The following LMF1 variants were observed in gnomAD, a reference collection of about 807,000 sequenced individuals.
LMF1 encodes the protein lipase maturation factor 1.
A neutral mutation model predicts 60.6 loss-of-function variants in LMF1; 68 were observed. The ratio of observed to expected loss-of-function variants is 1.12; its 90% CI spans 0.92 to 1.37. The LOEUF is 1.37. LMF1 is among the 40% of genes most tolerant of loss of function. LMF1 has a pLI of 0.00. For synonymous variants in LMF1, 418 were observed against 324.7 expected, an observed-to-expected ratio of 1.29 and a Z score of -3.09; for missense variants, 948 against 767.2, an observed-to-expected ratio of 1.24 and a Z score of -2.78.
intron 4 of LMF1, among the ~76,000 whole-genome samples, chr16:907,923 G>T (rs1409887197): frequency 6.6e-6 from 1 of 152,252 alleles, no homozygotes; most frequent in Non-Finnish European, 1.5e-5. Context: ...CCCATGAGCA[G>T]ATGAGTCCCT....
At chr16:860,533 G>A (rs1360981626) in intron 10 of LMF1, among the ~76,000 whole-genome samples, 1 of 152,030 alleles carries the variant, frequency 6.6e-6, no homozygotes, top group Non-Finnish European at 1.5e-5. Context: ...TAGAGACGGG[G>A]TTTTGCCACG....
At chr16:895,333 G>A (rs1300705921) in intron 4 of LMF1, among the ~76,000 whole-genome samples, 1 of 152,224 alleles carries the variant, frequency 6.6e-6, no homozygotes, top group African/African-American at 2.4e-5. Flanking sequence ...ACGGGCTGTA[G>A]CCACGTCTGC....
At chr16:972,412 G>A (rs4984624), upstream of LMF1, among the ~76,000 whole-genome samples, 704 of 152,240 alleles carry the variant, frequency 4.6e-3, 31 homozygotes, top group Admixed American at 0.041. Flanking sequence ...AGGAGGCATC[G>A]GCCCTGGCTG....
chr16:881,023 C>T (rs1003024017), intron 5 of LMF1, among the ~76,000 whole-genome samples: 7 of 152,318 alleles, frequency 4.6e-5, no homozygotes, highest in South Asian at 4.1e-4. Flanking sequence ...GGGAGGGAGG[C>T]GGCCCCCAGA....
chr16:921,918 A>G (rs981750927), intron 3 of LMF1, among the ~76,000 whole-genome samples: 22 of 152,334 alleles, frequency 1.4e-4, no homozygotes, highest in Non-Finnish European at 2.1e-4. Flanking sequence ...AAAACAAAAC[A>G]TAAGTAAGAG....
intron 10 of LMF1, among the ~76,000 whole-genome samples, chr16:865,072 T>C (rs929196435): frequency 4.6e-5 from 7 of 152,262 alleles, no homozygotes; most frequent in African/African-American, 1.4e-4. Flanking sequence ...AATTCCATTT[T>C]GATTTGTCAA....
At chr16:939,324 C>T (rs2072032362) in intron 2 of LMF1, among the ~76,000 whole-genome samples, 2 of 152,216 alleles carry the variant, frequency 1.3e-5, no homozygotes, top group Admixed American at 1.3e-4. Flanking sequence ...CCTGACCCAG[C>T]AGCCCACCTC....
intron 1 of LMF1, among the ~76,000 whole-genome samples, chr16:957,700 C>T (rs549579875): frequency 1.3e-3 from 204 of 152,284 alleles, no homozygotes; most frequent in Middle Eastern, 3.4e-3. Flanking sequence ...CTAATCAAGA[C>T]CACATCAAGA....
chr16:963,470 C>T (rs539917756), intron 1 of LMF1, among the ~76,000 whole-genome samples: 8 of 152,064 alleles, frequency 5.3e-5, no homozygotes, highest in Middle Eastern at 6.8e-3. Flanking sequence ...CATGTGTGCA[C>T]GGGTGTATGC....
At chr16:876,225 G>A (rs537388962) in intron 6 of LMF1, among the ~76,000 whole-genome samples, 1 of 152,376 alleles carries the variant, frequency 6.6e-6, no homozygotes, top group East Asian at 1.9e-4. Flanking sequence ...AGGTGCAGGA[G>A]CCCACGCGCG....
chr16:978,819 G>T lies in LMF1; in HGVS notation c.-135+2326C>A, dbSNP rs117815602. Among the ~76,000 whole-genome samples, 372 of 152,184 alleles carry T rather than the reference G, an allele frequency of 2.4e-3. 12 individuals are homozygous for T. In the East Asian group the frequency reaches 0.06, roughly 25 times the overall value. ...ATGGGCCCATCAGGTGGACTCAGAG[G>T]TGGCTCTGATGGCTGCCCCTCCACT... On this transcript the variant is annotated intron_variant, in intron 1 of 6. Coordinates refer to the LMF1 transcript ENST00000570014.
chr16:854,821 C>T lies in LMF1; in HGVS notation c.1530-115G>A. ...ACAGGGTCCCCCACGGACAGAGGGGCTGCATGAGGAGCCCCCACCCTGAGC... is the reference window on the plus strand; with the variant it reads ...ACAGGGTCCCCCACGGACAGAGGGGTTGCATGAGGAGCCCCCACCCTGAGC... On this transcript the variant is annotated intron_variant, in intron 10 of 10. Transcript: ENST00000262301. 9 of 983,392 alleles carry T rather than the reference C, an allele frequency of 9.2e-6. No individual in the cohort carries two copies. The South Asian group carries it at 9.7e-5, about 11-fold the overall frequency. 60.9% of individuals were successfully genotyped at this position (983,392 alleles called of 1,614,324 possible).
chr16:944,317 G>C (rs571742521), intron 2 of LMF1, among the ~76,000 whole-genome samples: 2 of 152,272 alleles, frequency 1.3e-5, no homozygotes, highest in South Asian at 4.1e-4. Context: ...CACTCTCCAC[G>C]TTCACAGCTT....
At position 879,463 on chromosome 16, in the gene LMF1, G is replaced by C. The variant is rs1482571129; in HGVS notation, c.897+107C>G. The C allele has an allele frequency of 2.3e-6, 3 of 1,304,472 alleles. No homozygotes were observed. In the African/African-American group the frequency reaches 4.4e-5, roughly 19 times the overall value. 80.8% of individuals were successfully genotyped at this position (1,304,472 alleles called of 1,614,324 possible). A position where few individuals can be genotyped will look rare whatever the true frequency, so the allele number is the denominator to read the frequency against. Reference sequence around the variant, plus strand: ...GGAGGACAGGCTGTCCCCAAGAAAGGGGGCCTGTAATGCCCCAGGGTCCTC... The same window carrying C: ...GGAGGACAGGCTGTCCCCAAGAAAGCGGGCCTGTAATGCCCCAGGGTCCTC... On this transcript the variant is annotated intron_variant, in intron 6 of 10. Coordinates refer to ENST00000262301, the MANE Select transcript of LMF1 (RefSeq NM_022773.4).
rs180990534 is a variant in LMF1 at position 932,041 on chromosome 16, C to T, written c.514+2203G>A. Among the ~76,000 whole-genome samples, 845 of 152,356 alleles carry T rather than the reference C, an allele frequency of 5.5e-3. 8 individuals are homozygous for T. The highest frequency in any genetic ancestry group is 9.7e-3 in the Non-Finnish European group (657 of 68,028). On this transcript the variant is annotated intron_variant, in intron 3 of 10. Transcript: ENST00000262301. ...GGCCACACAGGCTCACGTCCCACCC[C>T]CCATGCAGACCCCGTTGCTTTTGCT... is the stretch of plus-strand genomic sequence containing the variant.
At chr16:937,004 G>C (rs1253013952) in intron 2 of LMF1, among the ~76,000 whole-genome samples, 1 of 152,142 alleles carries the variant, frequency 6.6e-6, no homozygotes, top group Non-Finnish European at 1.5e-5. Context: ...TATCAGAAGG[G>C]ACCAAGGCCT....
Position 962,669 on chromosome 16 carries a change from T to C in LMF1, c.194-8003A>G, listed in dbSNP as rs2072836297. ...ACGCCATGACAGGCCTGCTTGACAC[T>C]GTCAAGGTCGGAATCCTGCACAGGA... On this transcript the variant is annotated intron_variant, in intron 1 of 10. Transcript: ENST00000262301. The surrounding 1 kb of genome is among the most constrained non-coding windows in gnomAD (Gnocchi z 4.5). 6.6e-6 allele frequency among the ~76,000 whole-genome samples: 1 copy of C among 152,074 alleles called. No homozygotes were observed. The highest frequency in any genetic ancestry group is 1.5e-5 in the Non-Finnish European group (1 of 68,016).
rs568965438 is a variant in LMF1, at chr16:889,381, CGGATGGCCGTGGGTGTGAGGCTGT to C, written c.729+3602_729+3625del. ...GCGGATGGCCATGGGTGTGAGGCTG[CGGATGGCCGTGGGTGTGAGGCTGT>C]GGATGGCCATGGTGGAGCAGTTCCT... On this transcript the variant is annotated intron_variant, in intron 5 of 10. Transcript: ENST00000262301. 8.3e-3 allele frequency among the ~76,000 whole-genome samples: 1,231 copies of C among 147,790 alleles called. 18 individuals carry two copies. The highest frequency in any genetic ancestry group is 0.027 in the African/African-American group (1,070 of 39,262).
intron 2 of LMF1, among the ~76,000 whole-genome samples, chr16:941,500 G>T (rs773462097): frequency 6.6e-6 from 1 of 152,214 alleles, no homozygotes; most frequent in Non-Finnish European, 1.5e-5. Flanking sequence ...TGGCATTACA[G>T]GTATGAGCCA....
Sources: gnomAD v4.1 joint callset for allele counts (sites outside exome capture counted in the v4.1 genomes callset) on GRCh38, gnomAD v4.1.1 for gene constraint, Gnocchi (gnomAD v3.1) non-coding constraint, MANE v1.5 for transcripts, NCBI Gene and HGNC (gene_info 2026-07-23, HGNC 2026-07-21) for gene names.